Variants in GMPS observed in about 807,000 individuals in gnomAD.
GMPS encodes GMP synthase [glutamine-hydrolyzing].
In GMPS, 15 loss-of-function variants were observed where a neutral mutation model predicts 77.9. That is an observed-to-expected ratio of 0.19 (90% CI 0.13 to 0.30). The LOEUF is 0.30. Among genes scored for constraint, GMPS ranks in the 10% least tolerant of loss-of-function variants. The pLI is 1.00. For synonymous variants in GMPS, 224 were observed against 275.9 expected (o/e 0.81, Z 1.86); for missense variants, 590 against 838.8 (o/e 0.70, Z 3.66).
intron 1 of GMPS, among the ~76,000 whole-genome samples, chr3:155,872,636 G>A (rs1180549753): frequency 6.6e-6 from 1 of 152,036 alleles, no homozygotes; most frequent in Non-Finnish European, 1.5e-5. Context: ...TTTCCTAACT[G>A]GTATTTTTTC....
rs1344651009 is a variant in GMPS at position 155,928,985 on chromosome 3, C to T, written c.1561-2780C>T. 4.0e-5 allele frequency among the ~76,000 whole-genome samples: 6 copies of T among 150,562 alleles called. No homozygotes were observed. The South Asian group carries it at 6.4e-4, about 16-fold the overall frequency. Reference sequence around the variant, plus strand: ...AAGTCTTTGCTATTGTGAATAATGCCGCAATAAACATATGTGTGCATGTGT... The same window carrying T: ...AAGTCTTTGCTATTGTGAATAATGCTGCAATAAACATATGTGTGCATGTGT... On this transcript the variant is annotated intron_variant, in intron 12 of 15. Transcript: ENST00000496455.
rs77440100 is a variant in GMPS, at chr3:155,940,740, GTT to G, written c.*3065_*3066del. On this transcript the variant is annotated 3_prime_UTR_variant, in exon 16 of 16. Transcript: ENST00000496455. The stretch of plus-strand genomic sequence containing the variant: ...AGACAGAATGGAGAAGCTGGATAGT[GTT>G]TTTTTTTTTTTTTTTTAAGGTTCTT... 8.6e-3 allele frequency: 1,502 copies of G among 175,236 alleles called. 18 individuals are homozygous for G. Among genetic ancestry groups the G allele is most frequent in the African/African-American group, 0.028 (1,106 of 39,218 alleles). The allele number at this position is 175,236 out of a possible 1,614,324, so 10.9% of individuals were successfully genotyped here.
intron 7 of GMPS, among the ~76,000 whole-genome samples, chr3:155,914,063 C>T (rs530943703): frequency 2.0e-5 from 3 of 152,140 alleles, no homozygotes; most frequent in Admixed American, 1.3e-4. Context: ...TCTCCTGCCT[C>T]GGCTTCCCAA....
intron 8 of GMPS, among the ~76,000 whole-genome samples, chr3:155,915,388 C>A (rs1486571123): frequency 6.6e-6 from 1 of 151,926 alleles, no homozygotes; most frequent in African/African-American, 2.4e-5. Flanking sequence ...CAGGCATGCA[C>A]CACCATGCCC....
chr3:155,895,966 G>A (rs149042994), intron 2 of GMPS, among the ~76,000 whole-genome samples: 187 of 151,532 alleles, frequency 1.2e-3, no homozygotes, highest in African/African-American at 4.0e-3. Flanking sequence ...TGATTATTCA[G>A]TATGTGTTTT....
intron 1 of GMPS, among the ~76,000 whole-genome samples, chr3:155,885,931 G>A (rs1754323488): frequency 6.6e-6 from 1 of 152,070 alleles, no homozygotes; most frequent in African/African-American, 2.4e-5. Context: ...AGTGATTCTA[G>A]TGCCTCAGCC....
chr3:155,936,314 G>T, intron 14 of GMPS, 24 bp from the exon 15 acceptor site: 1 of 1,524,826 alleles, frequency 6.6e-7, no homozygotes, highest in Non-Finnish European at 9.1e-7. Context: ...TGTGGTGATT[G>T]GTTCTACATA....
intron 1 of GMPS, among the ~76,000 whole-genome samples, chr3:155,890,479 A>T (rs1394730120): frequency 2.0e-5 from 3 of 152,162 alleles, no homozygotes; most frequent in Admixed American, 1.3e-4. Context: ...GAAATAAAAA[A>T]ATAGTAAAAC....
intron 11 of GMPS, 139 bp downstream of exon 11, chr3:155,922,441 A>C: frequency 4.2e-6 from 2 of 480,742 alleles, no homozygotes; most frequent in Non-Finnish European, 7.4e-6. Flanking sequence ...TGGAGAAAAT[A>C]TTCCACAGAT....
intron 12 of GMPS, among the ~76,000 whole-genome samples, chr3:155,927,607 A>G (rs1755490136): frequency 6.6e-6 from 1 of 152,210 alleles, no homozygotes; most frequent in Admixed American, 6.5e-5. Flanking sequence ...AGCCCAGATA[A>G]AAATGATGGT....
intron 10 of GMPS, among the ~76,000 whole-genome samples, chr3:155,920,633 G>C (rs1755297568): frequency 6.6e-6 from 1 of 151,582 alleles, no homozygotes; most frequent in Non-Finnish European, 1.5e-5. Context: ...GTAATGGAGG[G>C]AAGCCAAGTG....
In GMPS at chr3:155,871,129, G is replaced by A. The variant is rs1408526340; in HGVS notation, c.27+232G>A. 3.3e-5 allele frequency among the ~76,000 whole-genome samples: 5 copies of A among 152,224 alleles called. 1 individual carries two copies. In the East Asian group the frequency reaches 9.7e-4, roughly 30 times the overall value. On this transcript the variant is annotated intron_variant, in intron 1 of 15. Transcript: ENST00000496455. ...TGCGTGTCGAGGTCCGGGCGTCGGG[G>A]AGGGCATCAGCTCCCCGCGGCCGCG...
At chr3:155,906,451 A>T (rs1382994491) in intron 5 of GMPS, among the ~76,000 whole-genome samples, 188 bp downstream of exon 5, 1 of 152,212 alleles carries the variant, frequency 6.6e-6, no homozygotes, top group Non-Finnish European at 1.5e-5. Flanking sequence ...AGGATTATCC[A>T]GAAGTCTCTC....
Position 155,893,621 on chromosome 3 carries a change from G to T in GMPS, c.131G>T (p.Arg44Ile), listed in dbSNP as rs1754526910. Reference sequence around the variant, plus strand: ...CAGTACGGGAAAGTCATAGACCGAAGAGTGAGGGAACTGTTCGTGCAGTCT... The same window carrying T: ...CAGTACGGGAAAGTCATAGACCGAATAGTGAGGGAACTGTTCGTGCAGTCT... Reference protein sequence around the residue: ...GAQYGKVIDRRVRELFVQSEI... With the variant: ...GAQYGKVIDRIVRELFVQSEI... Residue 44 changes from arginine to isoleucine, a missense_variant, in exon 2 of 16, where the codon AGA becomes ATA. This residue lies in a region of GMPS where 136 missense variants were observed against 225.6 expected (regional missense o/e 0.60). Transcript: ENST00000496455. 1 of 1,611,178 alleles carries T rather than the reference G, an allele frequency of 6.2e-7. No individual in the cohort carries two copies. The highest frequency in any genetic ancestry group is 1.1e-5 in the South Asian group (1 of 91,030).
At chr3:155,931,671 T>A in intron 12 of GMPS, 94 bp from the exon 13 acceptor site, 1 of 576,510 alleles carries the variant, frequency 1.7e-6, no homozygotes, top group Non-Finnish European at 3.0e-6. Context: ...AATGCATCTT[T>A]TCTTTTTTTT....
chr3:155,877,365 C>T (rs1754076125), intron 1 of GMPS, among the ~76,000 whole-genome samples: 1 of 152,120 alleles, frequency 6.6e-6, no homozygotes, highest in Non-Finnish European at 1.5e-5. Context: ...ATTTTTATAA[C>T]AGCTTTATTG....
intron 1 of GMPS, among the ~76,000 whole-genome samples, chr3:155,874,045 T>A (rs1170388432): frequency 6.6e-6 from 1 of 152,206 alleles, no homozygotes; most frequent in African/African-American, 2.4e-5. Context: ...TTCCTACCCT[T>A]TCCCCCTGAG....
At position 155,941,913 on chromosome 3, in the gene GMPS, A is replaced by G. The variant is rs1370453854; in HGVS notation, c.*4221A>G. The G allele has an allele frequency of 4.7e-6, 1 of 211,214 alleles. No homozygotes were observed. The highest frequency in any genetic ancestry group is 2.3e-5 in the African/African-American group (1 of 44,042). 13.1% of individuals were successfully genotyped at this position (211,214 alleles called of 1,614,324 possible). ...AAGAGTGTCAAGATGCTAACTTCCA[A>G]CCCTATTTTTATGTACTGAAGAGGC... On this transcript the variant is annotated 3_prime_UTR_variant, in exon 16 of 16. Coordinates refer to ENST00000496455, the MANE Select transcript of GMPS (RefSeq NM_003875.3).
chr3:155,912,217 T>C (rs77655577), intron 7 of GMPS, among the ~76,000 whole-genome samples: 8,296 of 152,308 alleles, frequency 0.054, 319 homozygotes, highest in East Asian at 0.18. Context: ...GAGTCTATTT[T>C]TTTGAAACTT....
Sources: allele counts gnomAD v4.1 joint callset (sites outside exome capture counted in the v4.1 genomes callset), GRCh38; gene constraint gnomAD v4.1.1; regional missense constraint gnomAD v4.1.1; transcripts MANE v1.5; gene names NCBI Gene and HGNC (gene_info 2026-07-23, HGNC 2026-07-21).